SLC26A5: variants seen among roughly 807,000 people sequenced by gnomAD.
The protein encoded by SLC26A5 is solute carrier family 26 member 5.
A neutral mutation model predicts 81.0 loss-of-function variants in SLC26A5; 51 were observed. That is an observed-to-expected ratio of 0.63 (90% CI 0.50 to 0.80). SLC26A5 has a LOEUF of 0.80. SLC26A5 is among the 30% of genes least tolerant of loss of function. The pLI is 0.00. For synonymous variants in SLC26A5, 325 were observed against 332.8 expected (o/e 0.98, Z 0.25); for missense variants, 771 against 905.8 (o/e 0.85, Z 1.91).
intron 19 of SLC26A5, among the ~76,000 whole-genome samples, chr7:103,365,090 T>C (rs1386263898): frequency 6.6e-6 from 1 of 151,562 alleles, no homozygotes; most frequent in Admixed American, 6.6e-5. Context: ...GAGGTATCCT[T>C]TTATTCCCTA....
At position 103,416,537 on chromosome 7, in the gene SLC26A5, T is replaced by C. The variant is rs556305008; in HGVS notation, c.293-3425A>G. Among the ~76,000 whole-genome samples, 168 of 152,314 alleles carry C rather than the reference T, an allele frequency of 1.1e-3. 1 individual carries two copies. Among genetic ancestry groups the C allele is most frequent in the African/African-American group, 3.5e-3 (146 of 41,564 alleles). The stretch of plus-strand genomic sequence containing the variant: ...GTGTAAATGTGGGAGCCTGAGTGTA[T>C]TGATGCTACTGATTGCAAAGACTTT... On this transcript the variant is annotated intron_variant, in intron 4 of 19. Transcript: ENST00000306312.
intron 2 of SLC26A5, among the ~76,000 whole-genome samples, chr7:103,425,671 A>G (rs1825666097): frequency 6.6e-6 from 1 of 152,216 alleles, no homozygotes; most frequent in African/African-American, 2.4e-5. Context: ...TAATTGCCAT[A>G]AGATGCTTAC....
intron 2 of SLC26A5, chr7:103,433,706 T>TC (rs936426858): frequency 2.0e-5 from 3 of 147,794 alleles, no homozygotes; most frequent in African/African-American, 7.5e-5. Context: ...TTTCTTTCTT[T>TC]TTTTTTTTTT....
chr7:103,415,424 C>G (rs764895108), intron 4 of SLC26A5, among the ~76,000 whole-genome samples: 2 of 152,124 alleles, frequency 1.3e-5, no homozygotes, highest in African/African-American at 2.4e-5. Flanking sequence ...AGAGCGCTCC[C>G]CCACCCCCAC....
At chr7:103,370,375 G>A (rs541369076), downstream of SLC26A5, among the ~76,000 whole-genome samples, 10 of 151,254 alleles carry the variant, frequency 6.6e-5, 1 homozygote, top group South Asian at 1.5e-3. Flanking sequence ...CCCCACACAA[G>A]GGCACACCCC....
rs557691608 is a variant in SLC26A5, at chr7:103,379,747, G to A, written c.1585-412C>T. Among the ~76,000 whole-genome samples the A allele has an allele frequency of 3.3e-5, 5 of 152,240 alleles. No individual in the cohort carries two copies. In the South Asian group the frequency reaches 8.3e-4, roughly 25 times the overall value. ...AATAAAGTGAACAGAAGTTTACACT[G>A]GTTTGATTCACAGAAGCAGGAAGGA... is the stretch of plus-strand genomic sequence containing the variant. On this transcript the variant is annotated intron_variant, in intron 15 of 19. Coordinates refer to ENST00000306312, the MANE Select transcript of SLC26A5 (RefSeq NM_198999.3).
At chr7:103,386,785 A>T (rs1271275161) in intron 14 of SLC26A5, among the ~76,000 whole-genome samples, 1 of 150,994 alleles carries the variant, frequency 6.6e-6, no homozygotes, top group African/African-American at 2.4e-5. Flanking sequence ...TTTTTTTGAG[A>T]CGTGTGTCAC....
At chr7:103,370,537 A>G (rs978851971), downstream of SLC26A5, among the ~76,000 whole-genome samples, 2 of 152,196 alleles carry the variant, frequency 1.3e-5, no homozygotes, top group Admixed American at 6.5e-5. Context: ...TCTCTGCTAA[A>G]CAGGTAAGGA....
chr7:103,430,877 T>C (rs1280133646), intron 2 of SLC26A5, among the ~76,000 whole-genome samples: 1 of 152,194 alleles, frequency 6.6e-6, no homozygotes, highest in Non-Finnish European at 1.5e-5. Context: ...ACCCCAGTCC[T>C]CCTTTGTCCT....
intron 18 of SLC26A5, 119 bp downstream of exon 18, chr7:103,377,480 A>G (rs1037895186): frequency 2.1e-6 from 2 of 959,758 alleles, no homozygotes; most frequent in African/African-American, 1.6e-5. Flanking sequence ...GAAATTTTCC[A>G]TAATCAAAAG....
intron 1 of SLC26A5, among the ~76,000 whole-genome samples, chr7:103,444,655 T>G (rs538592276): frequency 6.6e-6 from 1 of 152,352 alleles, no homozygotes; most frequent in East Asian, 1.9e-4. Context: ...AACGTGTAAC[T>G]CTGTATAGTT....
At chr7:103,384,315 A>G (rs1037305104) in intron 14 of SLC26A5, among the ~76,000 whole-genome samples, 1 of 151,816 alleles carries the variant, frequency 6.6e-6, no homozygotes, top group Non-Finnish European at 1.5e-5. Flanking sequence ...AAGATGGATT[A>G]TAAAATGCTG....
At chr7:103,438,512 C>G (rs1347435174) in intron 2 of SLC26A5, among the ~76,000 whole-genome samples, 1 of 151,924 alleles carries the variant, frequency 6.6e-6, no homozygotes, top group Non-Finnish European at 1.5e-5. Flanking sequence ...GCCACCACAC[C>G]CAGCTAATTT....
At chr7:103,354,004 A>G (rs772170122) in intron 19 of SLC26A5, 1 of 1,439,048 alleles carries the variant, frequency 6.9e-7, no homozygotes, top group South Asian at 1.3e-5. Flanking sequence ...TTATGTTGAA[A>G]TAAAAACTGT....
intron 4 of SLC26A5, among the ~76,000 whole-genome samples, chr7:103,414,731 G>A (rs1824776520): frequency 6.6e-6 from 1 of 152,174 alleles, no homozygotes; most frequent in Non-Finnish European, 1.5e-5. Context: ...ACATCCATGT[G>A]CAGGTTCACT....
In SLC26A5 at chr7:103,413,042, G is replaced by T; in HGVS notation, c.363C>A (p.Ile121=). 2 of 1,613,718 alleles carry T rather than the reference G, an allele frequency of 1.2e-6. No individual in the cohort carries two copies. The highest frequency in any genetic ancestry group is 1.7e-6 in the Non-Finnish European group (2 of 1,179,686). ...TGGAGGTTCCAAGAAAACAATACAT[G>T]ATAACAGGGTAAAATGAAGAGTACA... ...FGLYSSFYPV[I]MYCFLGTSRH... The change falls in exon 5 of 20, where the codon ATC becomes ATA. Residue 121 remains isoleucine (I), a synonymous_variant. Transcript: ENST00000306312.
intron 2 of SLC26A5, among the ~76,000 whole-genome samples, chr7:103,438,675 T>C (rs1826644577): frequency 1.3e-5 from 2 of 152,170 alleles, no homozygotes; most frequent in African/African-American, 2.4e-5. Context: ...CATGTACACA[T>C]AGTGAACTAT....
chr7:103,404,399 C>T (rs1823861070), intron 8 of SLC26A5, among the ~76,000 whole-genome samples: 1 of 152,260 alleles, frequency 6.6e-6, no homozygotes, highest in African/African-American at 2.4e-5. Flanking sequence ...AATCTCTCAG[C>T]ATTTGCTTGT....
At chr7:103,363,481 A>AT in intron 19 of SLC26A5, 3 of 1,538,618 alleles carry the variant, frequency 1.9e-6, no homozygotes, top group Non-Finnish European at 2.7e-6. Flanking sequence ...TTGTATAAAG[A>AT]TGTCTTTTGT....
Sources: allele counts gnomAD v4.1 joint callset (sites outside exome capture counted in the v4.1 genomes callset), GRCh38; gene constraint gnomAD v4.1.1; transcripts MANE v1.5; gene names NCBI Gene and HGNC (gene_info 2026-07-23, HGNC 2026-07-21).